GMDS: variants seen among roughly 807,000 people sequenced by gnomAD.
The protein encoded by GMDS is GDP-mannose 4,6 dehydratase.
In GMDS, 20 loss-of-function variants were observed where a neutral mutation model predicts 49.9. That is an observed-to-expected ratio of 0.40 (90% CI 0.28 to 0.58). The LOEUF is 0.58. Among genes scored for constraint, GMDS ranks in the 20% least tolerant of loss-of-function variants. The probability of loss-of-function intolerance (pLI) is 0.42; values close to 1 mark genes in which losing one functional copy is unlikely to be tolerated. For synonymous variants in GMDS, 177 were observed against 178.6 expected (o/e 0.99, Z 0.07); for missense variants, 362 against 481.4 (o/e 0.75, Z 2.32).
intron 3 of GMDS, among the ~76,000 whole-genome samples, chr6:2,116,447 T>C (rs953776442): frequency 2.0e-5 from 3 of 152,228 alleles, no homozygotes; most frequent in African/African-American, 7.2e-5. Context: ...ATTTGATACA[T>C]GTGGATGGGT....
intron 1 of GMDS, among the ~76,000 whole-genome samples, chr6:2,140,628 G>T (rs987934869): frequency 3.3e-5 from 5 of 152,198 alleles, no homozygotes; most frequent in South Asian, 2.1e-4. Context: ...GGTGGTGAAA[G>T]CATGCACCTT....
chr6:1,878,212 G>GTCCCA (rs1416416281), intron 7 of GMDS, among the ~76,000 whole-genome samples: 2 of 151,430 alleles, frequency 1.3e-5, no homozygotes, highest in African/African-American at 4.9e-5. Flanking sequence ...CTACTTGGGA[G>GTCCCA]GCTGAGGCAG....
chr6:1,746,203 A>C (rs1767490395), intron 7 of GMDS, among the ~76,000 whole-genome samples: 1 of 138,528 alleles, frequency 7.2e-6, no homozygotes, highest in Non-Finnish European at 1.6e-5. Flanking sequence ...TTGAGGTTAC[A>C]TGTTTTAGAG....
chr6:2,179,932 A>G, intron 1 of GMDS, among the ~76,000 whole-genome samples: 1 of 143,364 alleles, frequency 7.0e-6, no homozygotes, highest in South Asian at 2.5e-4. Flanking sequence ...ATGAAACTTA[A>G]GGTGATACAC....
chr6:1,670,378 T>G (rs1325617153), intron 9 of GMDS, among the ~76,000 whole-genome samples: 23 of 151,830 alleles, frequency 1.5e-4, no homozygotes, highest in Non-Finnish European at 3.1e-4. Context: ...TGGTTTTTTT[T>G]TTTTTTCACC....
At chr6:2,170,686 T>C (rs1293804145) in intron 1 of GMDS, among the ~76,000 whole-genome samples, 1 of 151,732 alleles carries the variant, frequency 6.6e-6, no homozygotes, top group African/African-American at 2.4e-5. Flanking sequence ...TTTGGTTACC[T>C]TTTTTAGAAG....
rs141066541 is a variant in GMDS at position 2,138,930 on chromosome 6, ATAC to A, written c.103-14202_103-14200del. Among the ~76,000 whole-genome samples, 866 of 152,306 alleles carry A rather than the reference ATAC, an allele frequency of 5.7e-3. 2 individuals are homozygous for A. Among genetic ancestry groups the A allele is most frequent in the Middle Eastern group, 0.017 (5 of 294 alleles). ...TCTTTGTGTTCCCACTGCTTTGATC[ATAC>A]TACTAATTTCTGTATCTGTACTCAC... On this transcript the variant is annotated intron_variant, in intron 1 of 10. Coordinates refer to ENST00000380815, the MANE Select transcript of GMDS (RefSeq NM_001500.4).
chr6:1,954,137 ACAGC>A (rs1763506396), intron 6 of GMDS, among the ~76,000 whole-genome samples: 1 of 152,256 alleles, frequency 6.6e-6, no homozygotes, highest in Non-Finnish European at 1.5e-5. Context: ...ATGTAATGGA[ACAGC>A]CAGGGAGATA....
At chr6:1,702,652 G>A (rs1581479623) in intron 9 of GMDS, among the ~76,000 whole-genome samples, 2 of 152,158 alleles carry the variant, frequency 1.3e-5, no homozygotes, top group South Asian at 4.1e-4. Context: ...GTTGATAAGG[G>A]TGGTGGCCAC....
At chr6:1,895,585 G>C (rs1301328272) in intron 7 of GMDS, among the ~76,000 whole-genome samples, 1 of 152,182 alleles carries the variant, frequency 6.6e-6, no homozygotes, top group Non-Finnish European at 1.5e-5. Context: ...CACTGATAAA[G>C]AACATTTCTA....
At chr6:1,660,056 G>T (rs143341711) in intron 9 of GMDS, among the ~76,000 whole-genome samples, 5 of 152,020 alleles carry the variant, frequency 3.3e-5, no homozygotes, top group African/African-American at 4.8e-5. Context: ...CTCCCCAGCC[G>T]CGGACCTGCT....
At chr6:2,237,883 G>A (rs1262895225) in intron 1 of GMDS, among the ~76,000 whole-genome samples, 1 of 152,024 alleles carries the variant, frequency 6.6e-6, no homozygotes, top group Non-Finnish European at 1.5e-5. Flanking sequence ...GAGAAAGAAA[G>A]GAGAAAACTG....
At chr6:2,187,334 A>G (rs1458690518) in intron 1 of GMDS, among the ~76,000 whole-genome samples, 1 of 152,154 alleles carries the variant, frequency 6.6e-6, no homozygotes, top group Non-Finnish European at 1.5e-5. Flanking sequence ...TTCTTTTATC[A>G]CCAGCAAATG....
At chr6:2,056,161 AACAAGT>A (rs1018599820) in intron 4 of GMDS, among the ~76,000 whole-genome samples, 3 of 152,190 alleles carry the variant, frequency 2.0e-5, no homozygotes, top group Non-Finnish European at 4.4e-5. Flanking sequence ...CAGAGGTAAT[AACAAGT>A]ACATCTTATT....
intron 1 of GMDS, among the ~76,000 whole-genome samples, chr6:2,143,968 C>T (rs1776430210): frequency 6.6e-6 from 1 of 152,136 alleles, no homozygotes; most frequent in Non-Finnish European, 1.5e-5. Flanking sequence ...TACAGAGATG[C>T]CTTGCCTTCA....
At chr6:1,799,023 G>C (rs1769845424) in intron 7 of GMDS, among the ~76,000 whole-genome samples, 1 of 152,198 alleles carries the variant, frequency 6.6e-6, no homozygotes, top group Admixed American at 6.5e-5. Context: ...GAGGCATTTT[G>C]ATCACTAAGA....
At chr6:1,914,270 C>A (rs531337633) in intron 7 of GMDS, among the ~76,000 whole-genome samples, 2 of 149,462 alleles carry the variant, frequency 1.3e-5, no homozygotes, top group East Asian at 4.0e-4. Context: ...TCCTGGCTAA[C>A]ACGGTGAAAC....
intron 4 of GMDS, among the ~76,000 whole-genome samples, chr6:2,068,449 T>A (rs1307534296): frequency 6.6e-6 from 1 of 152,140 alleles, no homozygotes. Flanking sequence ...TAAAGGGTAT[T>A]CAATTAGGAA....
At chr6:2,059,867 T>C (rs1271795284) in intron 4 of GMDS, among the ~76,000 whole-genome samples, 3 of 151,870 alleles carry the variant, frequency 2.0e-5, no homozygotes, top group Admixed American at 1.3e-4. Context: ...ATTTGCATAG[T>C]AATAAATATA....
Sources: allele counts gnomAD v4.1 joint callset (sites outside exome capture counted in the v4.1 genomes callset), GRCh38; gene constraint gnomAD v4.1.1; transcripts MANE v1.5; gene names NCBI Gene and HGNC (gene_info 2026-07-23, HGNC 2026-07-21).